The following MYH2 variants were observed in gnomAD, a reference collection of about 807,000 sequenced individuals.
MYH2 encodes myosin-2.
Under a neutral mutation model 228.1 loss-of-function variants are expected in MYH2, and 139 were observed. The ratio of observed to expected loss-of-function variants is 0.61; its 90% CI spans 0.53 to 0.70. The LOEUF (loss-of-function observed/expected upper bound fraction) is 0.70, where lower values mean the gene tolerates loss of function less well. Among genes scored for constraint, MYH2 ranks in the 30% least tolerant of loss-of-function variants. The pLI is 0.00. For missense variants in MYH2, 1,809 were observed against 2,357.5 expected (o/e 0.77, Z 4.82); for synonymous variants, 796 against 871.1 (o/e 0.91, Z 1.52).
Position 10,539,211 on chromosome 17 carries a change from A to G in MYH2, c.1410T>C (p.Ile470=). ...IGVLDIAGFE[I]FDFNSLEQLC... The stretch of plus-strand genomic sequence containing the variant: ...CAATCAGCTACAAACTCACATCAAA[A>G]ATCTCAAAACCAGCAATGTCCAAGA... Residue 470 remains isoleucine (I), a synonymous_variant, in exon 14 of 40, where the codon ATT becomes ATC. Coordinates refer to ENST00000245503, the MANE Select transcript of MYH2 (RefSeq NM_017534.6). 1 of 1,614,126 alleles carries G rather than the reference A, an allele frequency of 6.2e-7. No homozygotes were observed. The highest frequency in any genetic ancestry group is 8.5e-7 in the Non-Finnish European group (1 of 1,180,012).
chr17:10,528,186 G>GGC (rs996814541), intron 27 of MYH2, among the ~76,000 whole-genome samples: 2 of 151,852 alleles, frequency 1.3e-5, no homozygotes, highest in Admixed American at 6.6e-5. Flanking sequence ...TGGGACTGCA[G>GGC]GCGCGCGCCA....
At position 10,533,527 on chromosome 17, in the gene MYH2, A is replaced by T. The variant is rs139196902; in HGVS notation, c.2286T>A (p.Tyr762Ter). The T allele has an allele frequency of 6.2e-7, 1 of 1,614,074 alleles. No homozygotes were observed. Among genetic ancestry groups the T allele is most frequent in the South Asian group, 1.1e-5 (1 of 91,088 alleles). Residue 762 changes from tyrosine (Y) to a stop codon, truncating the protein, a stop_gained, in exon 20 of 40, where the codon TAT becomes TAA. Transcript: ENST00000245503. LOFTEE classifies it high-confidence loss of function. Reference sequence around the variant, plus strand: ...AAATTACCTTGGTGTGCCCAAATTTATACTGGGTGTGGTCAATGTCGATGG... The same window carrying T: ...AAATTACCTTGGTGTGCCCAAATTTTTACTGGGTGTGGTCAATGTCGATGG... Reference protein sequence around the residue: ...LASIDIDHTQYKFGHTKVFFK... With the variant: ...LASIDIDHTQ
At position 10,537,591 on chromosome 17, in the gene MYH2, T is replaced by C; in HGVS notation, c.1588-49A>G. ...AATTGTACTTCTATTTTTTTTTCTG[T>C]CTATAGAATTAAAATAAAAAGCAGC... On this transcript the variant is annotated intron_variant, in intron 15 of 39. Transcript: ENST00000245503. This position sits in a 1 kb window ranked among gnomAD's most constrained non-coding sequence, Gnocchi z 4.0. The C allele has an allele frequency of 3.1e-6, 5 of 1,614,080 alleles. No homozygotes were observed. The highest frequency in any genetic ancestry group is 4.2e-6 in the Non-Finnish European group (5 of 1,179,984).
Position 10,521,386 on chromosome 17 carries a change from T to C in MYH2, c.5720A>G (p.His1907Arg), listed in dbSNP as rs1207699689. 4 of 1,614,066 alleles carry C rather than the reference T, an allele frequency of 2.5e-6. No individual in the cohort carries two copies. Among genetic ancestry groups the C allele is most frequent in the Middle Eastern group, 1.6e-4 (1 of 6,062 alleles). ...TNLAKFRKLQ[H>R]ELEEAEERAD... ...CCGTTCCTCGGCCTCCTCCAGCTCA[T>C]GCTGGAGCTTGCGGAATTTAGCTAG... The change falls in exon 40 of 40, where the codon CAT (histidine) becomes CGT (arginine). Residue 1907 changes from histidine to arginine, a missense_variant. By Grantham distance (29) the His-to-Arg change is conservative. Coordinates refer to ENST00000245503, the MANE Select transcript of MYH2 (RefSeq NM_017534.6).
Position 10,537,226 on chromosome 17 carries a change from G to T in MYH2, c.1897+7C>A, listed in dbSNP as rs777847575. On this transcript the variant is annotated splice_region_variant and intron_variant, in intron 16 of 39. Coordinates refer to ENST00000245503, the MANE Select transcript of MYH2 (RefSeq NM_017534.6). The surrounding 1 kb of genome is among the most constrained non-coding windows in gnomAD (Gnocchi z 4.0). ...CCTAGAGAGTATTATTAACATTTGAGCATTACCTCCTTCAGCAGTTTGAGC... is the reference window on the plus strand; with the variant it reads ...CCTAGAGAGTATTATTAACATTTGATCATTACCTCCTTCAGCAGTTTGAGC... The T allele has an allele frequency of 1.2e-5, 19 of 1,613,948 alleles. No individual in the cohort carries two copies. The highest frequency in any genetic ancestry group is 1.5e-5 in the Non-Finnish European group (18 of 1,179,944).
In MYH2 at chr17:10,540,623, C is replaced by T. The variant is rs200893594; in HGVS notation, c.979G>A (p.Asp327Asn). Reference sequence around the variant, plus strand: ...GTGGCCATCAGTTCTTCCTGATCATCGATGCTGGCCACACTGATCTCCCCT... The same window carrying T: ...GTGGCCATCAGTTCTTCCTGATCATTGATGCTGGCCACACTGATCTCCCCT... ...SQGEISVASI[D>N]DQEELMATDS... is the part of the protein sequence containing the mutation. The change falls in exon 11 of 40, where the codon GAT (aspartate) becomes AAT (asparagine). Residue 327 changes from aspartate (D) to asparagine (N), a missense_variant. Around this residue, in one of 9 missense-constraint regions of MYH2, gnomAD observed 373 missense variants for 620.4 expected, o/e 0.60. Coordinates refer to ENST00000245503, the MANE Select transcript of MYH2 (RefSeq NM_017534.6). The T allele has an allele frequency of 3.5e-5, 56 of 1,613,418 alleles. No homozygotes were observed. Among genetic ancestry groups the T allele is most frequent in the Non-Finnish European group, 4.3e-5 (51 of 1,179,394 alleles).
rs752068908 is a variant in MYH2, at chr17:10,539,277, C to T, written c.1344G>A (p.Gln448=). 8.1e-6 allele frequency: 13 copies of T among 1,614,222 alleles called. No individual in the cohort carries two copies. Among genetic ancestry groups the T allele is most frequent in the Admixed American group, 1.7e-5 (1 of 60,030 alleles). The part of the protein sequence containing the change: ...MFLWMVARIN[Q]QLDTKQPRQY... ...GCCTGGGCTGCTTGGTGTCCAGCTGCTGGTTGATGCGGGCAACCATCCACA... is the reference window on the plus strand; with the variant it reads ...GCCTGGGCTGCTTGGTGTCCAGCTGTTGGTTGATGCGGGCAACCATCCACA... Residue 448 remains glutamine (Q), a synonymous_variant, in exon 14 of 40, where the codon CAG becomes CAA. Transcript: ENST00000245503.
At chr17:10,539,405 GC>G in intron 13 of MYH2, 38 bp downstream of exon 13, 1 of 1,614,038 alleles carries the variant, frequency 6.2e-7, no homozygotes, top group Non-Finnish European at 8.5e-7. Context: ...CTATGAAAAT[GC>G]TTTCATCCCT....
intron 2 of MYH2, among the ~76,000 whole-genome samples, chr17:10,548,471 A>G (rs929316367): frequency 6.6e-6 from 1 of 152,098 alleles, no homozygotes; most frequent in Non-Finnish European, 1.5e-5. Context: ...AATGTAGAAG[A>G]ACTTTATTTC....
rs1250845278 is a variant in MYH2 at position 10,525,488 on chromosome 17, C to G, written c.4500G>C (p.Gln1500His). 2 of 1,614,086 alleles carry G rather than the reference C, an allele frequency of 1.2e-6. No homozygotes were observed. The highest frequency in any genetic ancestry group is 1.7e-6 in the Non-Finnish European group (2 of 1,180,058). The change falls in exon 32 of 40, where the codon CAG becomes CAC. Residue 1500 changes from glutamine to histidine, a missense_variant. Physicochemically the swap from Gln to His is conservative, Grantham distance 24. Coordinates refer to ENST00000245503, the MANE Select transcript of MYH2 (RefSeq NM_017534.6). The surrounding 1 kb of genome is among the most constrained non-coding windows in gnomAD (Gnocchi z 4.2). ...TGTTCTCTCGCTTCAGGGTTTCTAG[C>G]TGATCCAAAGATTCCTCATAGGCAT... The part of the protein sequence containing the change: ...IKNAYEESLD[Q>H]LETLKRENKN...
chr17:10,537,754 C>A lies in MYH2; in HGVS notation c.1498G>T (p.Glu500Ter). The A allele has an allele frequency of 6.2e-7, 1 of 1,614,166 alleles. No homozygotes were observed. The highest frequency in any genetic ancestry group is 8.5e-7 in the Non-Finnish European group (1 of 1,180,040). Residue 500 changes from glutamate to a stop codon, truncating the protein, a stop_gained, in exon 15 of 40, where the codon GAG becomes TAG. Coordinates refer to ENST00000245503, the MANE Select transcript of MYH2 (RefSeq NM_017534.6). LOFTEE classifies it high-confidence loss of function. This position sits in a 1 kb window ranked among gnomAD's most constrained non-coding sequence, Gnocchi z 4.0. ...QFFNHHMFVL[E>*]QEEYKKEGIE... ...CCTTCCTTCTTGTACTCCTCCTGCT[C>A]CAGCACGAACATGTGGTGGTTGAAA...
Position 10,525,497 on chromosome 17 carries a change from A to C in MYH2, c.4491T>G (p.Ser1497=), listed in dbSNP as rs2142293626. The C allele has an allele frequency of 6.2e-7, 1 of 1,614,218 alleles. No individual in the cohort carries two copies. The highest frequency in any genetic ancestry group is 1.1e-5 in the South Asian group (1 of 91,076). Residue 1497 remains serine, a synonymous_variant, in exon 32 of 40, where the codon TCT becomes TCG. Transcript: ENST00000245503. This position sits in a 1 kb window ranked among gnomAD's most constrained non-coding sequence, Gnocchi z 4.2. ...GCTTCAGGGTTTCTAGCTGATCCAA[A>C]GATTCCTCATAGGCATTCTTTATCT... ...LFKIKNAYEE[S]LDQLETLKRE... is the part of the protein sequence containing the mutation.
In MYH2 at chr17:10,547,948, A is replaced by AGAT; in HGVS notation, c.-20-11_-20-9dup. On this transcript the variant is annotated splice_polypyrimidine_tract_variant and intron_variant, in intron 2 of 39. Transcript: ENST00000245503. The stretch of plus-strand genomic sequence containing the variant: ...CTGCTGAACTCAGAGGTCCTAAAGG[A>AGAT]GATAAAACTTTCACATTAGAGAGTC... 6.2e-7 allele frequency: 1 copy of AGAT among 1,610,366 alleles called. No individual in the cohort carries two copies. Among genetic ancestry groups the AGAT allele is most frequent in the Non-Finnish European group, 8.5e-7 (1 of 1,176,884 alleles).
At position 10,529,447 on chromosome 17, in the gene MYH2, C is replaced by A. The variant is rs1027280616; in HGVS notation, c.3152G>T (p.Arg1051Leu). The part of the protein sequence containing the change: ...EGSLEQEKKL[R>L]MDLERAKRKL... ...CCTCTTAGCCCTTTCTAGGTCCATG[C>A]GAAGTTTCTTTTCTTGCTCCAAGGA... Residue 1051 changes from arginine to leucine, a missense_variant, in exon 25 of 40, where the codon CGC (arginine) becomes CTC (leucine). Coordinates refer to ENST00000245503, the MANE Select transcript of MYH2 (RefSeq NM_017534.6). The A allele has an allele frequency of 6.2e-6, 10 of 1,614,130 alleles. No individual in the cohort carries two copies. The highest frequency in any genetic ancestry group is 8.5e-6 in the Non-Finnish European group (10 of 1,180,028).
chr17:10,540,571 C>A (rs2073539549), intron 11 of MYH2, 23 bp downstream of exon 11: 1 of 1,559,566 alleles, frequency 6.4e-7, no homozygotes, highest in African/African-American at 1.4e-5. Context: ...ATAATAATTC[C>A]AATTTTCTTG....
At chr17:10,544,455 T>G (rs533035962) in intron 5 of MYH2, among the ~76,000 whole-genome samples, 2 of 152,326 alleles carry the variant, frequency 1.3e-5, no homozygotes, top group African/African-American at 4.8e-5. Flanking sequence ...AGCACCAGAC[T>G]TTTTCTTTTT....
At position 10,544,010 on chromosome 17, in the gene MYH2, T is replaced by C; in HGVS notation, c.540A>G (p.Glu180=). 1 of 1,614,208 alleles carries C rather than the reference T, an allele frequency of 6.2e-7. No individual in the cohort carries two copies. The highest frequency in any genetic ancestry group is 8.5e-7 in the Non-Finnish European group (1 of 1,180,032). The change falls in exon 7 of 40, where the codon GAA becomes GAG. Residue 180 remains glutamate (E), a synonymous_variant. Transcript: ENST00000245503. ...RENQSILITG[E]SGAGKTVNTK... ...TGTTCACAGTCTTCCCTGCACCAGA[T>C]TCTCCACTGTCAAATCAAAACTCAA... is the stretch of plus-strand genomic sequence containing the variant.
intron 2 of MYH2, among the ~76,000 whole-genome samples, chr17:10,549,128 CA>C (rs1482363416): frequency 6.6e-6 from 1 of 152,000 alleles, no homozygotes. Context: ...TTTTTTCCTG[CA>C]CAGACAATAT....
At chr17:10,532,669 T>A (rs2073438950) in intron 21 of MYH2, among the ~76,000 whole-genome samples, 1 of 150,322 alleles carries the variant, frequency 6.7e-6, no homozygotes, top group Non-Finnish European at 1.5e-5. Context: ...TAGGTGGCAA[T>A]GTAAAATGCC....
Sources: gnomAD v4.1 joint callset for allele counts (sites outside exome capture counted in the v4.1 genomes callset) on GRCh38, gnomAD v4.1.1 for gene constraint, gnomAD v4.1.1 regional missense constraint, Gnocchi (gnomAD v3.1) non-coding constraint, MANE v1.5 for transcripts, NCBI Gene and HGNC (gene_info 2026-07-23, HGNC 2026-07-21) for gene names.